The following KL variants were observed in gnomAD, a reference collection of about 807,000 sequenced individuals.
KL encodes the protein alpha-klotho.
KL carries 62 observed loss-of-function variants against 84.2 expected under a neutral mutation model. The observed-to-expected ratio is 0.74, with a 90% CI of 0.60 to 0.91. The LOEUF is 0.91. KL is among the 40% of genes least tolerant of loss of function. The pLI is 0.00. For synonymous variants in KL, 528 were observed against 528.0 expected (o/e 1.00, Z 0.00); for missense variants, 1,261 against 1,305.7 (o/e 0.97, Z 0.53).
At chr13:33,044,635 A>ATTTTTTTT (rs1871453892) in intron 1 of KL, among the ~76,000 whole-genome samples, 2 of 72,282 alleles carry the variant, frequency 2.8e-5, no homozygotes, top group Non-Finnish European at 3.1e-5. Context: ...AATGCAATTG[A>ATTTTTTTT]TTTTCTTTTT....
chr13:33,044,697 C>T (rs1322705269), intron 1 of KL, among the ~76,000 whole-genome samples: 7 of 118,414 alleles, frequency 5.9e-5, no homozygotes, highest in African/African-American at 2.2e-4. Flanking sequence ...GTCACCCAGG[C>T]TGGAGTGCAG....
rs530320644 is a variant in KL at position 33,047,375 on chromosome 13, T to C, written c.820-6392T>C. On this transcript the variant is annotated intron_variant, in intron 1 of 4. Transcript: ENST00000380099. ...TACTTTCTTTTTTTTTTTTTTGAGA[T>C]GGAGTCTTGCTCTGTTGCCCAGGCT... 2.0e-5 allele frequency among the ~76,000 whole-genome samples: 3 copies of C among 149,600 alleles called. No individual in the cohort carries two copies. In the East Asian group the frequency reaches 5.9e-4, roughly 30 times the overall value.
At position 33,037,535 on chromosome 13, in the gene KL, T is replaced by A. The variant is rs150122164; in HGVS notation, c.820-16232T>A. Among the ~76,000 whole-genome samples, 351 of 152,278 alleles carry A rather than the reference T, an allele frequency of 2.3e-3. 3 individuals carry two copies. Among genetic ancestry groups the A allele is most frequent in the African/African-American group, 8.1e-3 (335 of 41,552 alleles). On this transcript the variant is annotated intron_variant, in intron 1 of 4. Transcript: ENST00000380099. ...TAAAGGCCCCAATGTTGTCCTCTCT[T>A]CATTGTATCCATGCCTTTTGTCATG... is the stretch of plus-strand genomic sequence containing the variant.
chr13:33,019,412 C>T (rs2138187204), intron 1 of KL, among the ~76,000 whole-genome samples: 1 of 152,052 alleles, frequency 6.6e-6, no homozygotes, highest in Non-Finnish European at 1.5e-5. Context: ...GATATTGCTG[C>T]TGTACAGATA....
At chr13:33,050,768 A>G (rs1007976496) in intron 1 of KL, among the ~76,000 whole-genome samples, 3 of 152,232 alleles carry the variant, frequency 2.0e-5, no homozygotes, top group Admixed American at 6.5e-5. Flanking sequence ...TCCAAATGAT[A>G]TCTGAAATGC....
chr13:33,037,981 G>A (rs984082687), intron 1 of KL, among the ~76,000 whole-genome samples: 1 of 152,182 alleles, frequency 6.6e-6, no homozygotes, highest in Non-Finnish European at 1.5e-5. Context: ...AGATTGCCCT[G>A]TTGTTTTGCT....
intron 4 of KL, 25 bp from the exon 5 acceptor site, chr13:33,063,824 C>T (rs1316849753): frequency 6.3e-7 from 1 of 1,585,158 alleles, no homozygotes; most frequent in East Asian, 2.2e-5. Flanking sequence ...GTAATAACTA[C>T]TCTCCTATCC....
intron 3 of KL, among the ~76,000 whole-genome samples, chr13:33,057,613 TCTC>T (rs1349999882): frequency 6.6e-6 from 1 of 151,868 alleles, no homozygotes; most frequent in East Asian, 1.9e-4. Flanking sequence ...CTCCTGGCAG[TCTC>T]CTCCTGTGCA....
At chr13:33,032,810 C>G (rs1871020383) in intron 1 of KL, among the ~76,000 whole-genome samples, 1 of 152,176 alleles carries the variant, frequency 6.6e-6, no homozygotes, top group African/African-American at 2.4e-5. Flanking sequence ...TCACAGTGAT[C>G]TGCCTGGAAT....
At chr13:33,018,926 T>A (rs890721318) in intron 1 of KL, among the ~76,000 whole-genome samples, 4 of 152,242 alleles carry the variant, frequency 2.6e-5, no homozygotes, top group Non-Finnish European at 5.9e-5. Context: ...TGCTCTCTGG[T>A]GCTCTGGTGT....
At chr13:33,057,035 G>GT (rs1482542912) in intron 3 of KL, among the ~76,000 whole-genome samples, 13 of 152,190 alleles carry the variant, frequency 8.5e-5, no homozygotes, top group Admixed American at 8.5e-4. Context: ...AGTGAGGCTG[G>GT]TGAGGAAGAA....
intron 1 of KL, among the ~76,000 whole-genome samples, chr13:33,053,325 G>A (rs1871822187): frequency 1.3e-5 from 2 of 152,158 alleles, no homozygotes; most frequent in South Asian, 4.1e-4. Context: ...GAGTCATTTT[G>A]AAAACTCCCA....
In KL at chr13:33,065,500, C is replaced by T. The variant is rs1373934553; in HGVS notation, c.*1314C>T. On this transcript the variant is annotated 3_prime_UTR_variant, in exon 5 of 5. Transcript: ENST00000380099. ...CAATATTGTATCAGGCAAGATAAACCAATGTCATAACAGGCATTGCCAACC... is the reference window on the plus strand; with the variant it reads ...CAATATTGTATCAGGCAAGATAAACTAATGTCATAACAGGCATTGCCAACC... 1 of 189,304 alleles carries T rather than the reference C, an allele frequency of 5.3e-6. No individual in the cohort carries two copies. Among genetic ancestry groups the T allele is most frequent in the Non-Finnish European group, 1.1e-5 (1 of 89,814 alleles). The allele number at this position is 189,304 out of a possible 1,614,324, so 11.7% of individuals were successfully genotyped here. A position where few individuals can be genotyped will look rare whatever the true frequency, so the allele number is the denominator to read the frequency against.
chr13:33,024,105 TTTTGACAAGACATCTTTCACATA>T (rs1870670773), intron 1 of KL, among the ~76,000 whole-genome samples: 1 of 152,104 alleles, frequency 6.6e-6, no homozygotes, highest in Non-Finnish European at 1.5e-5. Context: ...GCAAGTCACT[TTTTGACAAGACATCTTTCACATA>T]TTTGAAAAGA....
At chr13:33,049,198 T>G (rs1871652300) in intron 1 of KL, among the ~76,000 whole-genome samples, 1 of 152,212 alleles carries the variant, frequency 6.6e-6, no homozygotes, top group African/African-American at 2.4e-5. Context: ...TTTCTGTCTT[T>G]CATGATCTTG....
Position 33,064,261 on chromosome 13 carries a change from A to G in KL, c.*75A>G. On this transcript the variant is annotated 3_prime_UTR_variant, in exon 5 of 5. Coordinates refer to ENST00000380099, the MANE Select transcript of KL (RefSeq NM_004795.4). ...TCAGCTGTTAACCATTTGCACCTCT[A>G]AGTGTTGTGAAACTGTAAATTTCAT... is the stretch of plus-strand genomic sequence containing the variant. The G allele has an allele frequency of 9.0e-7, 1 of 1,107,968 alleles. No individual in the cohort carries two copies. 68.6% of individuals were successfully genotyped at this position (1,107,968 alleles called of 1,614,324 possible). A position where few individuals can be genotyped will look rare whatever the true frequency, so the allele number is the denominator to read the frequency against.
At chr13:33,048,930 G>A (rs74743640) in intron 1 of KL, among the ~76,000 whole-genome samples, 3,248 of 152,162 alleles carry the variant, frequency 0.021, 129 homozygotes, top group African/African-American at 0.074. Flanking sequence ...TATTTTCCTC[G>A]ACTTCCAAAA....
At chr13:33,055,851 C>A (rs1176651701) in intron 3 of KL, among the ~76,000 whole-genome samples, 1 of 152,228 alleles carries the variant, frequency 6.6e-6, no homozygotes, top group Non-Finnish European at 1.5e-5. Context: ...TACGAAATTT[C>A]TTCAGAATGA....
chr13:33,036,597 C>T (rs1871154276), intron 1 of KL, among the ~76,000 whole-genome samples: 1 of 152,216 alleles, frequency 6.6e-6, no homozygotes, highest in South Asian at 2.1e-4. Flanking sequence ...ATCTCATTGG[C>T]CTGGCTTGGG....
Sources: allele counts gnomAD v4.1 joint callset (sites outside exome capture counted in the v4.1 genomes callset), GRCh38; gene constraint gnomAD v4.1.1; transcripts MANE v1.5; gene names NCBI Gene and HGNC (gene_info 2026-07-23, HGNC 2026-07-21).